RETREG1: variants seen among roughly 807,000 people sequenced by gnomAD.
RETREG1 encodes family with sequence similarity 134 member B.
Under a neutral mutation model 54.8 loss-of-function variants are expected in RETREG1, and 44 were observed. The observed-to-expected ratio is 0.80, with a 90% CI of 0.63 to 1.03. The LOEUF (loss-of-function observed/expected upper bound fraction) is 1.03. RETREG1 is among the 50% of genes least tolerant of loss of function. RETREG1 has a pLI of 0.00. For synonymous variants in RETREG1, 217 were observed against 238.5 expected (o/e 0.91, Z 0.83); for missense variants, 554 against 605.1 (o/e 0.92, Z 0.89).
intron 3 of RETREG1, among the ~76,000 whole-genome samples, chr5:16,502,480 AT>A (rs1218603163): frequency 6.6e-6 from 1 of 152,224 alleles, no homozygotes; most frequent in Non-Finnish European, 1.5e-5. Context: ...AGGATAGGAT[AT>A]TTTTGCAGGC....
At chr5:16,582,581 T>A (rs1182408970) in intron 1 of RETREG1, among the ~76,000 whole-genome samples, 8 of 151,614 alleles carry the variant, frequency 5.3e-5, no homozygotes, top group African/African-American at 1.9e-4. Flanking sequence ...AAGGAGAGTG[T>A]CAGGGCAGCA....
chr5:16,526,710 A>T (rs1459112100), intron 3 of RETREG1, among the ~76,000 whole-genome samples: 1 of 152,188 alleles, frequency 6.6e-6, no homozygotes, highest in African/African-American at 2.4e-5. Context: ...ATAATCATCA[A>T]TATCAGAATA....
At chr5:16,589,470 G>A (rs1742702399) in intron 1 of RETREG1, among the ~76,000 whole-genome samples, 1 of 152,148 alleles carries the variant, frequency 6.6e-6, no homozygotes, top group Non-Finnish European at 1.5e-5. Context: ...CACCTCCCGG[G>A]TTCAAGTGAT....
At chr5:16,592,749 T>A (rs1335518233) in intron 1 of RETREG1, among the ~76,000 whole-genome samples, 1 of 151,878 alleles carries the variant, frequency 6.6e-6, no homozygotes. Context: ...TATGGGAACA[T>A]GGATGGAGCT....
Position 16,483,449 on chromosome 5 carries a change from G to C in RETREG1, c.482C>G (p.Pro161Arg). ...GTGGCTGAGCCTGGGTCTTTCATCTGGTTTGGAATTGATAACTTCCCAGCT... is the reference window on the plus strand; with the variant it reads ...GTGGCTGAGCCTGGGTCTTTCATCTCGTTTGGAATTGATAACTTCCCAGCT... ...SESWEVINSK[P>R]DERPRLSHCI... The change falls in exon 4 of 9, where the codon CCA (proline) becomes CGA (arginine). Residue 161 changes from proline (P) to arginine (R), a missense_variant. By Grantham distance (103) the Pro-to-Arg change is moderately radical (BLOSUM62 -2). This residue lies in a region of RETREG1 where 347 missense variants were observed against 412.3 expected (regional missense o/e 0.84). Coordinates refer to ENST00000306320, the MANE Select transcript of RETREG1 (RefSeq NM_001034850.3). 6.2e-7 allele frequency: 1 copy of C among 1,613,082 alleles called. No homozygotes were observed. The highest frequency in any genetic ancestry group is 8.5e-7 in the Non-Finnish European group (1 of 1,179,314).
intron 3 of RETREG1, among the ~76,000 whole-genome samples, chr5:16,515,440 G>C (rs999375520): frequency 1.3e-5 from 2 of 151,724 alleles, no homozygotes; most frequent in Non-Finnish European, 2.9e-5. Context: ...TCTATTTTTG[G>C]CCTGAGAATT....
intron 1 of RETREG1, chr5:16,616,167 G>GA (rs1480004728): frequency 6.4e-6 from 1 of 156,284 alleles, no homozygotes. Context: ...CCAGGGGAAG[G>GA]AAAAAACAAA....
chr5:16,571,759 G>T (rs527944129), intron 2 of RETREG1, among the ~76,000 whole-genome samples: 19 of 152,094 alleles, frequency 1.2e-4, no homozygotes, highest in African/African-American at 4.6e-4. Flanking sequence ...TACCAACGTG[G>T]TATTTAAAAT....
At chr5:16,477,110 G>T (rs544723781) in intron 8 of RETREG1, among the ~76,000 whole-genome samples, 1 of 151,850 alleles carries the variant, frequency 6.6e-6, no homozygotes, top group Non-Finnish European at 1.5e-5. Context: ...ATTTCAGGAG[G>T]TAATTTTTCT....
chr5:16,532,434 A>C (rs1327726998), intron 3 of RETREG1, among the ~76,000 whole-genome samples: 1 of 152,210 alleles, frequency 6.6e-6, no homozygotes, highest in African/African-American at 2.4e-5. Context: ...CTGAGGCAGG[A>C]GAATCGCTTG....
chr5:16,582,328 G>A (rs918199048), intron 1 of RETREG1, among the ~76,000 whole-genome samples: 11 of 152,080 alleles, frequency 7.2e-5, no homozygotes, highest in East Asian at 3.8e-4. Context: ...GGCTTGTGAT[G>A]ACCACGGCCT....
chr5:16,598,995 G>A (rs1742977776), intron 1 of RETREG1, among the ~76,000 whole-genome samples: 2 of 152,098 alleles, frequency 1.3e-5, no homozygotes, highest in Admixed American at 1.3e-4. Context: ...TACCCAGGCT[G>A]GCTCAATCAG....
chr5:16,475,964 A>G (rs1738520398), intron 8 of RETREG1, among the ~76,000 whole-genome samples: 1 of 152,202 alleles, frequency 6.6e-6, no homozygotes, highest in Non-Finnish European at 1.5e-5. Flanking sequence ...CAATTAATGA[A>G]AAGCCTTGTA....
chr5:16,582,514 C>G (rs1351152545), intron 1 of RETREG1, among the ~76,000 whole-genome samples: 1 of 151,990 alleles, frequency 6.6e-6, no homozygotes, highest in Non-Finnish European at 1.5e-5. Flanking sequence ...GGACTGGTCT[C>G]TATTCAGATA....
At chr5:16,529,222 A>G (rs1403249685) in intron 3 of RETREG1, among the ~76,000 whole-genome samples, 1 of 152,222 alleles carries the variant, frequency 6.6e-6, no homozygotes, top group African/African-American at 2.4e-5. Context: ...CCTATCATAG[A>G]TCACACATTT....
At chr5:16,499,744 A>G (rs182815900) in intron 3 of RETREG1, among the ~76,000 whole-genome samples, 32 of 152,376 alleles carry the variant, frequency 2.1e-4, no homozygotes, top group Admixed American at 1.2e-3. Context: ...GCCAGGCTTC[A>G]CCAGTGAAAC....
At chr5:16,481,188 G>A (rs1458384067) in intron 4 of RETREG1, 95 bp from the exon 5 acceptor site, 9 of 939,286 alleles carry the variant, frequency 9.6e-6, no homozygotes, top group African/African-American at 6.5e-5. Flanking sequence ...TATAGTGACC[G>A]GTATAAGTGA....
At position 16,616,951 on chromosome 5, in the gene RETREG1, CG is replaced by C; in HGVS notation, c.20del (p.Pro7ArgfsTer62). 6.9e-7 allele frequency: 1 copy of C among 1,444,378 alleles called. No homozygotes were observed. Among genetic ancestry groups the C allele is most frequent in the Non-Finnish European group, 9.1e-7 (1 of 1,103,606 alleles). The allele number at this position is 1,444,378 out of a possible 1,614,324, so 89.5% of individuals were successfully genotyped here. On this transcript the variant is annotated frameshift_variant, in exon 1 of 9. Coordinates refer to ENST00000306320, the MANE Select transcript of RETREG1 (RefSeq NM_001034850.3). LOFTEE classifies it high-confidence loss of function. ...CCGGGCATCCCTCCTCGGCGTGCTC[CG>C]GAGGCGCCGGGCTCGCCATCTTCAG... is the stretch of plus-strand genomic sequence containing the variant. MASPAP[P>X]EHAEEGCPAP...
In RETREG1 at chr5:16,527,800, ATTTTTT is replaced by A. The variant is rs386403108; in HGVS notation, c.458+37957_458+37962del. On this transcript the variant is annotated intron_variant, in intron 3 of 8. Coordinates refer to ENST00000306320, the MANE Select transcript of RETREG1 (RefSeq NM_001034850.3). ...CTTAGTACAATTTCGAGGGACTCTA[ATTTTTT>A]TTTTTTTTTTTTTTTTTTTTTGAGA... is the stretch of plus-strand genomic sequence containing the variant. 2.1e-4 allele frequency among the ~76,000 whole-genome samples: 14 copies of A among 66,262 alleles called. No homozygotes were observed. The East Asian group carries it at 2.8e-3, about 13-fold the overall frequency. 43.5% of individuals were successfully genotyped at this position (66,262 alleles called of 152,430 possible).
Sources: gnomAD v4.1 joint callset for allele counts (sites outside exome capture counted in the v4.1 genomes callset) on GRCh38, gnomAD v4.1.1 for gene constraint, gnomAD v4.1.1 regional missense constraint, MANE v1.5 for transcripts, NCBI Gene and HGNC (gene_info 2026-07-23, HGNC 2026-07-21) for gene names.